Variants in F8 observed in about 807,000 individuals in gnomAD.
F8 encodes the protein coagulation factor VIII, also known as antihemophilic factor.
In F8, 12 loss-of-function variants were observed where a neutral mutation model predicts 140.6. The observed-to-expected ratio is 0.09, with a 90% CI of 0.05 to 0.14. The LOEUF is 0.14. F8 is among the 10% of genes least tolerant of loss of function. The probability of loss-of-function intolerance (pLI) is 1.00; values close to 1 mark genes in which losing one functional copy is unlikely to be tolerated. For synonymous variants in F8, 585 were observed against 614.6 expected, an observed-to-expected ratio of 0.95 and a Z score of 0.71; for missense variants, 1,354 against 1,720.7, an observed-to-expected ratio of 0.79 and a Z score of 3.77.
chrX:154,942,571 C>A (rs1248834772), intron 13 of F8, among the ~76,000 whole-genome samples: 1 of 111,641 alleles, frequency 9.0e-6, no homozygotes, highest in African/African-American at 3.3e-5. Flanking sequence ...GATTCACAGC[C>A]AAATTCTACC....
intron 3 of F8, among the ~76,000 whole-genome samples, chrX:154,995,416 G>A (rs923983890): frequency 8.9e-6 from 1 of 111,948 alleles, no homozygotes; most frequent in Non-Finnish European, 1.9e-5. Context: ...TTTTATTTCA[G>A]CTATGTCCAT....
At chrX:154,866,638 G>A (rs899611568) in intron 22 of F8, among the ~76,000 whole-genome samples, 4 of 111,209 alleles carry the variant, frequency 3.6e-5, no homozygotes, top group Non-Finnish European at 7.6e-5. Flanking sequence ...ACGACCATTG[G>A]GTCACAGAAG....
chrX:154,869,850 A>G (rs782352439), intron 22 of F8, among the ~76,000 whole-genome samples: 1 of 111,417 alleles, frequency 9.0e-6, no homozygotes, highest in African/African-American at 3.2e-5. Flanking sequence ...GCAATAAAAA[A>G]TGATATTGGG....
rs782691985 is a variant in F8 at position 154,929,777 on chromosome X, C to A, written c.4013G>T (p.Arg1338Ile). 1.1e-5 allele frequency: 13 copies of A among 1,211,607 alleles called. No homozygotes were observed. Among genetic ancestry groups the A allele is most frequent in the Non-Finnish European group, 1.5e-5 (13 of 895,365 alleles). The change falls in exon 14 of 26, where the codon AGA becomes ATA. Residue 1338 changes from arginine (R) to isoleucine (I), a missense_variant. Arg to Ile is a moderately conservative substitution (Grantham distance 97). Coordinates refer to ENST00000360256, the MANE Select transcript of F8 (RefSeq NM_000132.4). ...QRSKRALKQF[R>I]LPLEETELEK... ...AAGTTCTGTTTCTTCTAGTGGGAGT[C>A]TGAATTGTTTCAAAGCTCTCTTACT...
intron 1 of F8, among the ~76,000 whole-genome samples, chrX:155,014,912 T>C (rs1569560089): frequency 8.9e-6 from 1 of 112,190 alleles, no homozygotes; most frequent in South Asian, 3.7e-4. Flanking sequence ...TTTGGTGGAG[T>C]TGGCTAGTTG....
chrX:154,864,107 G>T (rs2072714462), intron 22 of F8, among the ~76,000 whole-genome samples: 1 of 112,544 alleles, frequency 8.9e-6, no homozygotes. Flanking sequence ...AAGTAACCCT[G>T]TGAGCCAACT....
At chrX:154,859,866 T>C (rs2072676933) in intron 25 of F8, among the ~76,000 whole-genome samples, 1 of 111,174 alleles carries the variant, frequency 9.0e-6, no homozygotes, top group South Asian at 3.8e-4. Flanking sequence ...AGAAATAGTA[T>C]CTATTTAAAA....
At chrX:154,909,111 C>A in intron 14 of F8, 1 of 285,434 alleles carries the variant, frequency 3.5e-6, no homozygotes, top group Non-Finnish European at 6.8e-6. Flanking sequence ...CACTGAAGCC[C>A]ACATTGTCCC....
intron 22 of F8, among the ~76,000 whole-genome samples, chrX:154,877,849 T>A (rs2072829095): frequency 8.9e-6 from 1 of 112,220 alleles, no homozygotes; most frequent in South Asian, 3.7e-4. Context: ...TTTGCCTTCA[T>A]TCGTTACTCA....
intron 12 of F8, among the ~76,000 whole-genome samples, chrX:154,952,543 ATTT>A (rs782661825): frequency 3.1e-5 from 3 of 96,060 alleles, no homozygotes; most frequent in East Asian, 6.4e-4. Flanking sequence ...TTCGTTCAGG[ATTT>A]TTTTTTTTTT....
intron 1 of F8, among the ~76,000 whole-genome samples, chrX:155,018,879 T>C (rs1324184344): frequency 2.7e-5 from 3 of 112,257 alleles, no homozygotes; most frequent in Admixed American, 1.9e-4. Context: ...AATTCAAATG[T>C]TACTTAAGCT....
rs782017003 is a variant in F8 at position 154,930,218 on chromosome X, C to T, written c.3572G>A (p.Arg1191Lys). 1 of 1,209,094 alleles carries T rather than the reference C, an allele frequency of 8.3e-7. No individual in the cohort carries two copies. The highest frequency in any genetic ancestry group is 1.8e-5 in the South Asian group (1 of 56,461). The change falls in exon 14 of 26, where the codon AGA becomes AAA. Residue 1191 changes from arginine (R) to lysine (K), a missense_variant. Transcript: ENST00000360256. ...GLKEMVFPSS[R>K]NLFLTNLDNL... Reference sequence around the variant, plus strand: ...ATCCAAGTTAGTAAGAAATAGGTTTCTGCTGCTTGGAAAAACCATCTCTTT... The same window carrying T: ...ATCCAAGTTAGTAAGAAATAGGTTTTTGCTGCTTGGAAAAACCATCTCTTT...
chrX:154,911,749 G>A lies in F8; in HGVS notation c.5220-5176C>T, dbSNP rs187824715. Among the ~76,000 whole-genome samples, 841 of 111,763 alleles carry A rather than the reference G, an allele frequency of 7.5e-3. 3 individuals are homozygous for A. Among genetic ancestry groups the A allele is most frequent in the Non-Finnish European group, 0.012 (644 of 53,080 alleles). On this transcript the variant is annotated intron_variant, in intron 14 of 25. Coordinates refer to ENST00000360256, the MANE Select transcript of F8 (RefSeq NM_000132.4). ...AGTGGGATTGCTGGATCACATGGTC[G>A]TTCTATTTTTAGTTTCTTGAGGAAC... is the stretch of plus-strand genomic sequence containing the variant.
chrX:154,987,359 A>C (rs782160002), intron 4 of F8, 54 bp from the exon 5 acceptor site: 39 of 1,021,398 alleles, frequency 3.8e-5, no homozygotes, highest in Non-Finnish European at 5.2e-5. Context: ...CATTGTAGGA[A>C]ATTGTCACTA....
chrX:154,959,385 C>CAA (rs201851580), intron 10 of F8, among the ~76,000 whole-genome samples: 5 of 100,805 alleles, frequency 5.0e-5, no homozygotes, highest in African/African-American at 1.8e-4. Context: ...GACGCTGTCT[C>CAA]AAAAAAAAAA....
intron 6 of F8, 42 bp downstream of exon 6, chrX:154,984,645 A>C: frequency 9.7e-7 from 1 of 1,033,469 alleles, no homozygotes; most frequent in Non-Finnish European, 1.4e-6. Flanking sequence ...CTGGTGCTGA[A>C]TTTGGAAGAC....
intron 22 of F8, among the ~76,000 whole-genome samples, chrX:154,892,194 G>A (rs1311391368): frequency 1.8e-5 from 2 of 112,309 alleles, no homozygotes; most frequent in African/African-American, 3.2e-5. Context: ...CCCCTAAGTC[G>A]TATCTGCCTA....
At chrX:155,019,303 A>G (rs782605535) in intron 1 of F8, among the ~76,000 whole-genome samples, 1 of 112,520 alleles carries the variant, frequency 8.9e-6, no homozygotes, top group East Asian at 2.8e-4. Flanking sequence ...GTTCACTTTC[A>G]TTGTTATTAT....
At chrX:154,858,116 G>A (rs1397869051) in intron 25 of F8, among the ~76,000 whole-genome samples, 1 of 112,093 alleles carries the variant, frequency 8.9e-6, no homozygotes, top group Non-Finnish European at 1.9e-5. Context: ...TCCAGCCTGG[G>A]CAACAGAGCA....
Sources: allele counts gnomAD v4.1 joint callset (sites outside exome capture counted in the v4.1 genomes callset), GRCh38; gene constraint gnomAD v4.1.1; transcripts MANE v1.5; gene names NCBI Gene and HGNC (gene_info 2026-07-23, HGNC 2026-07-21).